NEK10: variants seen among roughly 807,000 people sequenced by gnomAD.
NEK10 encodes the protein serine/threonine-protein kinase Nek10.
A neutral mutation model predicts 159.8 loss-of-function variants in NEK10; 122 were observed. The observed-to-expected ratio is 0.76, with a 90% CI of 0.66 to 0.89. The LOEUF is 0.89. NEK10 is among the 40% of genes least tolerant of loss of function. NEK10 has a pLI of 0.00. For missense variants in NEK10, 1,342 were observed against 1,323.1 expected (o/e 1.01, Z -0.22); for synonymous variants, 466 against 457.1 (o/e 1.02, Z -0.25).
At chr3:27,198,084 G>C (rs1353798263) in intron 25 of NEK10, among the ~76,000 whole-genome samples, 1 of 152,018 alleles carries the variant, frequency 6.6e-6, no homozygotes. Flanking sequence ...CAGTAAAAGA[G>C]CTTTACAGAG....
chr3:27,216,532 C>T (rs766041023), intron 23 of NEK10: 1 of 152,194 alleles, frequency 6.6e-6, no homozygotes, highest in Non-Finnish European at 1.5e-5. Flanking sequence ...GTGATGCATG[C>T]CTGTACATGC....
chr3:27,138,624 A>G (rs1156696852), intron 31 of NEK10, among the ~76,000 whole-genome samples: 1 of 152,152 alleles, frequency 6.6e-6, no homozygotes, highest in Non-Finnish European at 1.5e-5. Context: ...ATGGTTTCTG[A>G]CTAGACCCTC....
chr3:27,263,892 C>G (rs1387279681), intron 22 of NEK10, among the ~76,000 whole-genome samples: 7 of 152,170 alleles, frequency 4.6e-5, no homozygotes, highest in Admixed American at 4.6e-4. Context: ...CAGAAGTCAC[C>G]CGTCTTCTGC....
intron 25 of NEK10, among the ~76,000 whole-genome samples, chr3:27,192,927 T>C (rs1200195822): frequency 6.6e-6 from 1 of 152,118 alleles, no homozygotes; most frequent in East Asian, 1.9e-4. Context: ...GCATGCAGGC[T>C]CTGGATCATT....
At position 27,118,220 on chromosome 3, in the gene NEK10, C is replaced by G. The variant is rs182525105; in HGVS notation, c.3190+1540G>C. Among the ~76,000 whole-genome samples, 229 of 152,252 alleles carry G rather than the reference C, an allele frequency of 1.5e-3. 1 individual carries two copies. Among genetic ancestry groups the G allele is most frequent in the Middle Eastern group, 6.8e-3 (2 of 294 alleles). ...GTCCATGCTGTTTTGGTTACTAAAG[C>G]CTTGTAGTATAGTTTGAAGTCAGGT... is the stretch of plus-strand genomic sequence containing the variant. On this transcript the variant is annotated intron_variant, in intron 33 of 35. Coordinates refer to ENST00000691995, the MANE Select transcript of NEK10 (RefSeq NM_001394966.1).
chr3:27,319,616 G>A (rs1028476541), intron 6 of NEK10, among the ~76,000 whole-genome samples: 11 of 152,200 alleles, frequency 7.2e-5, no homozygotes, highest in African/African-American at 2.7e-4. Flanking sequence ...AAAGTAGGAG[G>A]AGGACTTGAA....
intron 9 of NEK10, 44 bp from the exon 10 acceptor site, chr3:27,309,049 A>G: frequency 1.0e-6 from 1 of 994,532 alleles, no homozygotes; most frequent in Non-Finnish European, 1.5e-6. Flanking sequence ...TAAGTACTAC[A>G]AGCTTCTTTT....
chr3:27,145,075 T>C (rs1476047966), intron 30 of NEK10, among the ~76,000 whole-genome samples: 1 of 151,986 alleles, frequency 6.6e-6, no homozygotes, highest in African/African-American at 2.4e-5. Context: ...AAAAACATTC[T>C]CTCTCAGTAT....
intron 23 of NEK10, among the ~76,000 whole-genome samples, chr3:27,212,204 G>C (rs1951067927): frequency 6.6e-6 from 1 of 152,118 alleles, no homozygotes. Flanking sequence ...TTTGATTATT[G>C]CTTTGGTACA....
intron 20 of NEK10, among the ~76,000 whole-genome samples, chr3:27,287,121 G>T: frequency 2.2e-5 from 3 of 135,070 alleles, no homozygotes; most frequent in Admixed American, 7.8e-5. Flanking sequence ...TATTATTTCT[G>T]TCATAGGCCC....
rs139306717 is a variant in NEK10 at position 27,146,048 on chromosome 3, T to C, written c.2870-4466A>G. On this transcript the variant is annotated intron_variant, in intron 30 of 35. Coordinates refer to ENST00000691995, the MANE Select transcript of NEK10 (RefSeq NM_001394966.1). ...TTTCTCTTCTTAAAAGGACTGCTACTTTTAACACGATGTTCTATCTATCTC... is the reference window on the plus strand; with the variant it reads ...TTTCTCTTCTTAAAAGGACTGCTACCTTTAACACGATGTTCTATCTATCTC... 5.1e-3 allele frequency among the ~76,000 whole-genome samples: 773 copies of C among 152,320 alleles called. 8 individuals are homozygous for C. The highest frequency in any genetic ancestry group is 0.018 in the African/African-American group (756 of 41,578).
intron 11 of NEK10, among the ~76,000 whole-genome samples, chr3:27,305,344 G>A (rs976378804): frequency 3.3e-5 from 5 of 152,032 alleles, no homozygotes; most frequent in Non-Finnish European, 7.4e-5. Context: ...TTGCATCATC[G>A]TTGGTCTGAT....
At chr3:27,125,299 C>T (rs1941816153) in intron 32 of NEK10, among the ~76,000 whole-genome samples, 1 of 152,072 alleles carries the variant, frequency 6.6e-6, no homozygotes, top group South Asian at 2.1e-4. Flanking sequence ...ACATCTTTTT[C>T]ATATGATAAA....
chr3:27,265,684 C>T (rs755616482), intron 22 of NEK10: 2 of 152,102 alleles, frequency 1.3e-5, no homozygotes, highest in Non-Finnish European at 2.9e-5. Context: ...CAGTGAGCAC[C>T]TGGGTATCTT....
intron 31 of NEK10, among the ~76,000 whole-genome samples, chr3:27,135,302 T>A (rs1943074519): frequency 6.6e-6 from 1 of 152,182 alleles, no homozygotes; most frequent in South Asian, 2.1e-4. Context: ...TTATTTCATT[T>A]GAGGCAAGTA....
chr3:27,144,811 T>G (rs998362761), intron 30 of NEK10, among the ~76,000 whole-genome samples: 3 of 152,120 alleles, frequency 2.0e-5, no homozygotes, highest in Non-Finnish European at 4.4e-5. Flanking sequence ...AGCCTCTGCC[T>G]CCTGGGCTCA....
chr3:27,194,790 T>G (rs1949424799), intron 25 of NEK10: 1 of 152,240 alleles, frequency 6.6e-6, no homozygotes, highest in Non-Finnish European at 1.5e-5. Flanking sequence ...ATGATTTTAA[T>G]AGAATATTTT....
intron 19 of NEK10, among the ~76,000 whole-genome samples, 194 bp downstream of exon 19, chr3:27,290,423 T>G (rs563394157): frequency 6.6e-6 from 1 of 152,324 alleles, no homozygotes; most frequent in South Asian, 2.1e-4. Context: ...GACCCTGATA[T>G]AAACTCCAGA....
intron 10 of NEK10, among the ~76,000 whole-genome samples, chr3:27,308,474 A>G (rs1379878893): frequency 6.6e-6 from 1 of 152,214 alleles, no homozygotes; most frequent in Non-Finnish European, 1.5e-5. Context: ...CAGAAAAGCA[A>G]TGGTCCACTT....
Sources: gnomAD v4.1 joint callset for allele counts (sites outside exome capture counted in the v4.1 genomes callset) on GRCh38, gnomAD v4.1.1 for gene constraint, MANE v1.5 for transcripts, NCBI Gene and HGNC (gene_info 2026-07-23, HGNC 2026-07-21) for gene names.